The following PCBP3 variants were observed in gnomAD, a reference collection of about 807,000 sequenced individuals.
PCBP3 encodes the protein poly(rC) binding protein 3.
Under a neutral mutation model 52.7 loss-of-function variants are expected in PCBP3, and 25 were observed. The observed-to-expected ratio is 0.47, with a 90% CI of 0.35 to 0.66. The LOEUF is 0.66. Among genes scored for constraint, PCBP3 ranks in the 30% least tolerant of loss-of-function variants. The pLI, the probability that PCBP3 is intolerant of heterozygous loss-of-function variation, is 0.01. For synonymous variants in PCBP3, 162 were observed against 183.0 expected, an observed-to-expected ratio of 0.89 and a Z score of 0.93; for missense variants, 391 against 490.3, an observed-to-expected ratio of 0.80 and a Z score of 1.91.
At position 45,883,559 on chromosome 21, in the gene PCBP3, C is replaced by T. The variant is rs142582414; in HGVS notation, c.11-12649C>T. On this transcript the variant is annotated intron_variant, in intron 5 of 17. Coordinates refer to ENST00000681687, the MANE Select transcript of PCBP3 (RefSeq NM_001384156.1). ...ATTAGTTTCTGCTTCACATATTTTACAGCTCTGTTATTTGATTCATACACA... is the reference window on the plus strand; with the variant it reads ...ATTAGTTTCTGCTTCACATATTTTATAGCTCTGTTATTTGATTCATACACA... Among the ~76,000 whole-genome samples, 620 of 152,256 alleles carry T rather than the reference C, an allele frequency of 4.1e-3. 3 individuals are homozygous for T. Among genetic ancestry groups the T allele is most frequent in the African/African-American group, 0.014 (598 of 41,532 alleles).
rs1406559495 is a variant in PCBP3 at position 45,896,245 on chromosome 21, C to T, written c.48C>T (p.Ser16=). The part of the protein sequence containing the change: ...AFWAPSVLPH[S]TLSTLSHHPQ... Reference sequence around the variant, plus strand: ...GGGCCCCATCTGTCCTTCCTCACAGCACCCTCAGCACCTTAAGCCACCACC... The same window carrying T: ...GGGCCCCATCTGTCCTTCCTCACAGTACCCTCAGCACCTTAAGCCACCACC... The change falls in exon 6 of 18, where the codon AGC becomes AGT. Residue 16 remains serine, a synonymous_variant. Coordinates refer to ENST00000681687, the MANE Select transcript of PCBP3 (RefSeq NM_001384156.1). 3 of 1,552,136 alleles carry T rather than the reference C, an allele frequency of 1.9e-6. No homozygotes were observed. The highest frequency in any genetic ancestry group is 1.7e-4 in the Middle Eastern group (1 of 5,900).
rs1393382263 is a variant in PCBP3 at position 45,724,138 on chromosome 21, C to G, written c.-199-11254C>G. On this transcript the variant is annotated intron_variant, in intron 2 of 17. Coordinates refer to ENST00000681687, the MANE Select transcript of PCBP3 (RefSeq NM_001384156.1). The surrounding 1 kb of genome is among the most constrained non-coding windows in gnomAD (Gnocchi z 5.3). ...GGCTGTCCCCCTCCTGAAGTCAGAT[C>G]CTTCCTGTGGCCTATTTAGGTTTTA... Among the ~76,000 whole-genome samples, 2 of 152,174 alleles carry G rather than the reference C, an allele frequency of 1.3e-5. No individual in the cohort carries two copies. The highest frequency in any genetic ancestry group is 2.9e-5 in the Non-Finnish European group (2 of 68,038).
intron 4 of PCBP3, among the ~76,000 whole-genome samples, chr21:45,820,395 G>C (rs557516622): frequency 2.6e-5 from 4 of 152,358 alleles, no homozygotes; most frequent in Admixed American, 6.5e-5. Context: ...GGAGTGCCAG[G>C]CCCAGGAGGA....
intron 5 of PCBP3, among the ~76,000 whole-genome samples, chr21:45,860,128 C>T (rs1184094731): frequency 2.0e-5 from 3 of 151,994 alleles, no homozygotes; most frequent in Non-Finnish European, 4.4e-5. Flanking sequence ...CTCCAGCACG[C>T]AGCTTCAGAA....
intron 4 of PCBP3, among the ~76,000 whole-genome samples, chr21:45,847,417 T>C (rs1013248051): frequency 4.1e-4 from 63 of 152,386 alleles, no homozygotes; most frequent in African/African-American, 1.3e-3. Flanking sequence ...CTTTCTCTTT[T>C]AGTCTGTGCT....
chr21:45,841,238 C>T (rs571776077), intron 4 of PCBP3, among the ~76,000 whole-genome samples: 6 of 151,500 alleles, frequency 4.0e-5, no homozygotes, highest in South Asian at 2.1e-4. Context: ...CAGCAGGAAT[C>T]GCGGTTGTAT....
At chr21:45,820,482 A>G (rs2093100285) in intron 4 of PCBP3, among the ~76,000 whole-genome samples, 1 of 152,238 alleles carries the variant, frequency 6.6e-6, no homozygotes, top group East Asian at 1.9e-4. Flanking sequence ...GACCCAGGTC[A>G]GGATAGGACA....
rs2087939454 is a variant in PCBP3, at chr21:45,755,447, C to T, written c.-131C>T. On this transcript the variant is annotated 5_prime_UTR_variant, in exon 4 of 18. Coordinates refer to ENST00000681687, the MANE Select transcript of PCBP3 (RefSeq NM_001384156.1). ...TACCTAGGAGTGGGCTTTTCTAGAT[C>T]ACATGGTAAGTGTGTGTTTAATTTT... Among the ~76,000 whole-genome samples, 1 of 152,094 alleles carries T rather than the reference C, an allele frequency of 6.6e-6. No homozygotes were observed.
chr21:45,702,703 C>G (rs2083207030), intron 2 of PCBP3, among the ~76,000 whole-genome samples: 1 of 152,170 alleles, frequency 6.6e-6, no homozygotes, highest in Non-Finnish European at 1.5e-5. Context: ...ATGATAGTTG[C>G]TGAAGGCTGG....
intron 2 of PCBP3, among the ~76,000 whole-genome samples, chr21:45,726,631 A>G (rs1283181031): frequency 1.3e-5 from 2 of 152,022 alleles, no homozygotes; most frequent in Non-Finnish European, 2.9e-5. Context: ...GACAGTGCCA[A>G]CCTTCCCTGA....
intron 5 of PCBP3, among the ~76,000 whole-genome samples, chr21:45,857,563 T>A (rs747177094): frequency 1.3e-5 from 2 of 152,130 alleles, no homozygotes; most frequent in Non-Finnish European, 2.9e-5. Context: ...ATACACCACC[T>A]ATAACCCCCC....
At position 45,724,386 on chromosome 21, in the gene PCBP3, A is replaced by G. The variant is rs1218844143; in HGVS notation, c.-199-11006A>G. ...GCTAAAACACTCCACAGGGTGGTGC[A>G]TGGGGGCTGCCCACACTCCCTGCTG... On this transcript the variant is annotated intron_variant, in intron 2 of 17. Transcript: ENST00000681687. This position sits in a 1 kb window ranked among gnomAD's most constrained non-coding sequence, Gnocchi z 5.3. Among the ~76,000 whole-genome samples, 1 of 151,800 alleles carries G rather than the reference A, an allele frequency of 6.6e-6. No homozygotes were observed. Among genetic ancestry groups the G allele is most frequent in the Non-Finnish European group, 1.5e-5 (1 of 67,964 alleles).
intron 5 of PCBP3, among the ~76,000 whole-genome samples, chr21:45,885,771 A>C (rs994055076): frequency 6.6e-6 from 1 of 151,906 alleles, no homozygotes; most frequent in South Asian, 2.1e-4. Flanking sequence ...CTGTTTTCTC[A>C]TTTGTTTAAA....
At chr21:45,812,953 CTCTG>C (rs1300344201) in intron 4 of PCBP3, among the ~76,000 whole-genome samples, 2 of 151,980 alleles carry the variant, frequency 1.3e-5, no homozygotes, top group East Asian at 3.9e-4. Context: ...TGAAAATTTT[CTCTG>C]TCTCTGATTT....
At position 45,803,671 on chromosome 21, in the gene PCBP3, G is replaced by C. The variant is rs562422444; in HGVS notation, c.-125-46290G>C. On this transcript the variant is annotated intron_variant, in intron 4 of 17. Coordinates refer to ENST00000681687, the MANE Select transcript of PCBP3 (RefSeq NM_001384156.1). Reference sequence around the variant, plus strand: ...GTGCTTGGCTCTGATGCCCACCCCAGGGTCCCTGGGCACTGCCAAGCTGGG... The same window carrying C: ...GTGCTTGGCTCTGATGCCCACCCCACGGTCCCTGGGCACTGCCAAGCTGGG... 1.4e-4 allele frequency among the ~76,000 whole-genome samples: 22 copies of C among 152,322 alleles called. No homozygotes were observed. In the South Asian group the frequency reaches 3.9e-3, roughly 27 times the overall value.
rs1452297613 is a variant in PCBP3 at position 45,933,566 on chromosome 21, TG to T, written c.857-1686del. Among the ~76,000 whole-genome samples, 3 of 152,382 alleles carry T rather than the reference TG, an allele frequency of 2.0e-5. No individual in the cohort carries two copies. In the East Asian group the frequency reaches 5.8e-4, roughly 29 times the overall value. ...TTTTCAGTGACATTTTAAATATCAC[TG>T]TTTATGGAATGTGTATAGATAACTG... On this transcript the variant is annotated intron_variant, in intron 15 of 17. Transcript: ENST00000681687.
At chr21:45,740,472 A>G (rs1255889524) in intron 3 of PCBP3, among the ~76,000 whole-genome samples, 1 of 152,278 alleles carries the variant, frequency 6.6e-6, no homozygotes, top group Non-Finnish European at 1.5e-5. Context: ...GACAGGCAAG[A>G]TGTTTTTAAA....
intron 9 of PCBP3, among the ~76,000 whole-genome samples, chr21:45,907,456 T>C (rs2096240132): frequency 6.6e-6 from 1 of 152,216 alleles, no homozygotes; most frequent in Non-Finnish European, 1.5e-5. Flanking sequence ...GACTTTCTAG[T>C]CTGTCCCCAG....
intron 4 of PCBP3, among the ~76,000 whole-genome samples, chr21:45,798,446 A>G (rs2092121001): frequency 6.7e-6 from 1 of 149,910 alleles, no homozygotes; most frequent in African/African-American, 2.5e-5. Context: ...GAGAGAGTGA[A>G]TGGATGCATA....
Sources: allele counts gnomAD v4.1 joint callset (sites outside exome capture counted in the v4.1 genomes callset), GRCh38; gene constraint gnomAD v4.1.1; non-coding constraint Gnocchi (gnomAD v3.1); transcripts MANE v1.5; gene names NCBI Gene and HGNC (gene_info 2026-07-23, HGNC 2026-07-21).